The following NRXN1 variants were observed in gnomAD, a reference collection of about 807,000 sequenced individuals.
The protein encoded by NRXN1 is neurexin 1.
NRXN1 carries 39 observed loss-of-function variants against 150.9 expected under a neutral mutation model. The observed-to-expected ratio is 0.26, with a 90% CI of 0.20 to 0.34. The LOEUF (loss-of-function observed/expected upper bound fraction) is 0.34, where lower values mean the gene tolerates loss of function less well. Ranked by LOEUF, NRXN1 falls within the 10% of genes least tolerant of loss-of-function variation. NRXN1 has a pLI of 1.00. For synonymous variants in NRXN1, 924 were observed against 757.0 expected (o/e 1.22, Z -3.62); for missense variants, 1,815 against 1,949.9 (o/e 0.93, Z 1.30).
chr2:51,005,038 A>G (rs1040484919), intron 2 of NRXN1, among the ~76,000 whole-genome samples: 3 of 151,954 alleles, frequency 2.0e-5, no homozygotes, highest in Non-Finnish European at 4.4e-5. Flanking sequence ...ACCTGTATCT[A>G]GCTATTTTTT....
chr2:50,829,805 CT>C lies in NRXN1; in HGVS notation c.832+92063del, dbSNP rs2105880329. ...TGTTTTTATTTATGAAGTAACTTAA[CT>C]TTTGGTAACATAATATATAACTTCT... On this transcript the variant is annotated intron_variant, in intron 5 of 22. Transcript: ENST00000401669. 4.1e-6 allele frequency: 6 copies of C among 1,468,822 alleles called. No homozygotes were observed. The East Asian group carries it at 1.5e-4, about 36-fold the overall frequency. 91.0% of individuals were successfully genotyped at this position (1,468,822 alleles called of 1,614,324 possible).
chr2:50,179,385 A>G (rs1472721736), intron 18 of NRXN1, among the ~76,000 whole-genome samples: 1 of 152,100 alleles, frequency 6.6e-6, no homozygotes, highest in African/African-American at 2.4e-5. Flanking sequence ...ACTTTTAATT[A>G]CCTGTTTTTC....
At chr2:50,312,606 C>T (rs566353811) in intron 17 of NRXN1, 4 of 428,014 alleles carry the variant, frequency 9.3e-6, no homozygotes, top group South Asian at 6.7e-5. Flanking sequence ...TCTCTCCAGG[C>T]TCTCATCCTA....
At chr2:50,451,663 C>T (rs555233605) in intron 17 of NRXN1, among the ~76,000 whole-genome samples, 5 of 152,156 alleles carry the variant, frequency 3.3e-5, no homozygotes, top group African/African-American at 1.2e-4. Flanking sequence ...TAACTCTTCT[C>T]AACTTAGCTA....
chr2:50,644,007 G>A (rs191954885), intron 5 of NRXN1, among the ~76,000 whole-genome samples: 47 of 151,184 alleles, frequency 3.1e-4, no homozygotes, highest in African/African-American at 9.9e-4. Flanking sequence ...AAAGTTGTTG[G>A]TTTTTTTTGT....
chr2:50,991,743 G>A (rs1698575677), intron 2 of NRXN1, among the ~76,000 whole-genome samples: 2 of 151,902 alleles, frequency 1.3e-5, no homozygotes, highest in South Asian at 2.1e-4. Context: ...TTGGGAACGC[G>A]ATTCAAGGAG....
chr2:50,644,683 T>C (rs2194388), intron 5 of NRXN1, among the ~76,000 whole-genome samples: 54,913 of 150,716 alleles, frequency 0.36, 10,230 homozygotes, highest in East Asian at 0.61. Flanking sequence ...TACTCACCAA[T>C]AACTCAGTAA....
intron 5 of NRXN1, among the ~76,000 whole-genome samples, chr2:50,750,790 T>C (rs1339738606): frequency 1.3e-5 from 2 of 152,026 alleles, no homozygotes; most frequent in Non-Finnish European, 2.9e-5. Context: ...TAAAAATATG[T>C]TTCACCTTTG....
intron 5 of NRXN1, among the ~76,000 whole-genome samples, chr2:50,776,268 C>T (rs965780207): frequency 1.3e-5 from 2 of 151,964 alleles, no homozygotes; most frequent in East Asian, 1.9e-4. Flanking sequence ...TTATGTGGTC[C>T]GTACTTCTTT....
intron 5 of NRXN1, among the ~76,000 whole-genome samples, chr2:50,817,474 AGAAGAGAAC>A (rs1669099021): frequency 6.6e-6 from 1 of 152,122 alleles, no homozygotes; most frequent in Non-Finnish European, 1.5e-5. Flanking sequence ...GAAATAGAAG[AGAAGAGAAC>A]ATTTCCATAC....
In NRXN1 at chr2:50,053,445, G is replaced by A. The variant is rs201464255; in HGVS notation, c.3954C>T (p.Ile1318=). Residue 1318 remains isoleucine, a synonymous_variant, in exon 21 of 23, where the codon ATC becomes ATT. Transcript: ENST00000401669. The part of the protein sequence containing the change: ...LNMAAENDAN[I]AIVGNVRLVG... ...CCAGTCTCACATTTCCCACTATGGC[G>A]ATGTTGGCATCGTTTTCGGCTGCCA... 6.8e-6 allele frequency: 11 copies of A among 1,614,040 alleles called. No homozygotes were observed. In the South Asian group the frequency reaches 7.7e-5, roughly 11 times the overall value.
chr2:50,546,857 A>G (rs2093505279), intron 9 of NRXN1, among the ~76,000 whole-genome samples: 1 of 152,188 alleles, frequency 6.6e-6, no homozygotes, highest in South Asian at 2.1e-4. Context: ...AATTACTTCA[A>G]TGTATATAAC....
At chr2:50,491,618 G>T (rs1319416653) in intron 15 of NRXN1, among the ~76,000 whole-genome samples, 3 of 152,108 alleles carry the variant, frequency 2.0e-5, no homozygotes, top group African/African-American at 7.2e-5. Context: ...AGGAGTTTTG[G>T]GTTTGAGAGG....
chr2:50,973,364 A>G (rs1280076862), intron 2 of NRXN1, among the ~76,000 whole-genome samples: 3 of 152,142 alleles, frequency 2.0e-5, no homozygotes, highest in Non-Finnish European at 2.9e-5. Context: ...TAGGGAAGCC[A>G]ATTGTTCAAG....
At chr2:50,686,838 T>C (rs1691304687) in intron 5 of NRXN1, among the ~76,000 whole-genome samples, 1 of 152,174 alleles carries the variant, frequency 6.6e-6, no homozygotes, top group Non-Finnish European at 1.5e-5. Context: ...ATCTTTTGTA[T>C]TATGCATGTA....
chr2:50,198,349 A>G (rs971550288), intron 18 of NRXN1, among the ~76,000 whole-genome samples: 2 of 152,128 alleles, frequency 1.3e-5, no homozygotes, highest in Non-Finnish European at 2.9e-5. Context: ...ATTGTTTGAG[A>G]TAACACAGCT....
chr2:50,266,823 A>G (rs2068955572), intron 17 of NRXN1, among the ~76,000 whole-genome samples: 1 of 152,212 alleles, frequency 6.6e-6, no homozygotes, highest in Non-Finnish European at 1.5e-5. Flanking sequence ...TACGTTTGGT[A>G]TTTAAGAAAG....
At chr2:50,389,622 A>C (rs1273551588) in intron 17 of NRXN1, among the ~76,000 whole-genome samples, 1 of 151,904 alleles carries the variant, frequency 6.6e-6, no homozygotes, top group Non-Finnish European at 1.5e-5. Flanking sequence ...CAGTTCCCAA[A>C]CTACATTAGG....
At chr2:50,638,206 T>C (rs1683516230) in intron 5 of NRXN1, among the ~76,000 whole-genome samples, 2 of 152,134 alleles carry the variant, frequency 1.3e-5, no homozygotes, top group Admixed American at 1.3e-4. Context: ...AAGAGTATAT[T>C]TCCAGGAACC....
Sources: allele counts gnomAD v4.1 joint callset (sites outside exome capture counted in the v4.1 genomes callset), GRCh38; gene constraint gnomAD v4.1.1; transcripts MANE v1.5; gene names NCBI Gene and HGNC (gene_info 2026-07-23, HGNC 2026-07-21).